The following GTPBP3 variants were observed in gnomAD, a reference collection of about 807,000 sequenced individuals.
GTPBP3 encodes GTP binding protein 3, mitochondrial.
A neutral mutation model predicts 42.0 loss-of-function variants in GTPBP3; 35 were observed. That is an observed-to-expected ratio of 0.83 (90% CI 0.64 to 1.10). The LOEUF is 1.10. Among genes scored for constraint, GTPBP3 ranks in the 50% least tolerant of loss-of-function variants. The pLI, the probability that GTPBP3 is intolerant of heterozygous loss-of-function variation, is 0.00. For synonymous variants in GTPBP3, 332 were observed against 314.9 expected, an observed-to-expected ratio of 1.05 and a Z score of -0.58; for missense variants, 691 against 685.2, an observed-to-expected ratio of 1.01 and a Z score of -0.09.
chr19:17,339,157 G>C lies in GTPBP3; in HGVS notation c.699G>C (p.Leu233=), dbSNP rs763644514. The C allele has an allele frequency of 6.2e-7, 1 of 1,613,992 alleles. No individual in the cohort carries two copies. Among genetic ancestry groups the C allele is most frequent in the Admixed American group, 1.7e-5 (1 of 60,020 alleles). Residue 233 remains leucine (L), a synonymous_variant, in exon 6 of 9, where the codon CTG becomes CTC. Coordinates refer to ENST00000324894, the MANE Select transcript of GTPBP3 (RefSeq NM_032620.4). The part of the protein sequence containing the change: ...DIEVRALQVA[L]GAHLRDARRG... ...AAGTACGGGCACTGCAGGTGGCCCT[G>C]GGTGCACATCTACGAGATGCCAGGC...
intron 2 of GTPBP3, 45 bp downstream of exon 2, chr19:17,338,300 A>T: frequency 1.2e-6 from 2 of 1,605,618 alleles, no homozygotes; most frequent in Non-Finnish European, 1.7e-6. Flanking sequence ...CCCATGACTC[A>T]GTTTCCCCCT....
rs747746824 is a variant in GTPBP3 at position 17,337,908 on chromosome 19, C to T, written c.54-100C>T. On this transcript the variant is annotated intron_variant, in intron 1 of 8. Coordinates refer to ENST00000324894, the MANE Select transcript of GTPBP3 (RefSeq NM_032620.4). The stretch of plus-strand genomic sequence containing the variant: ...TTTGTGCATCCCCCAGCCGCAGAAC[C>T]CCCCCACCTGGAGCATCTCGCGATC... 39 of 1,467,336 alleles carry T rather than the reference C, an allele frequency of 2.7e-5. No individual in the cohort carries two copies. The African/African-American group carries it at 4.1e-4, about 15-fold the overall frequency. 90.9% of individuals were successfully genotyped at this position (1,467,336 alleles called of 1,614,324 possible).
In GTPBP3 at chr19:17,341,560, G is replaced by A. The variant is rs1392613551; in HGVS notation, c.1336G>A (p.Gly446Ser). The change falls in exon 9 of 9, where the codon GGC (glycine) becomes AGC (serine). Residue 446 changes from glycine (G) to serine (S), a missense_variant. Coordinates refer to ENST00000324894, the MANE Select transcript of GTPBP3 (RefSeq NM_032620.4). ...HHLQGCLDAL[G>S]HYKQSKDLAL... is the part of the protein sequence containing the mutation. ...CCTCCAGGGTTGCCTGGATGCCCTC[G>A]GCCACTACAAGCAGTCAAAAGACCT... 3.7e-6 allele frequency: 6 copies of A among 1,613,828 alleles called. No individual in the cohort carries two copies. Among genetic ancestry groups the A allele is most frequent in the South Asian group, 1.1e-5 (1 of 91,080 alleles).
At chr19:17,338,811 C>T (rs2074396211) in intron 4 of GTPBP3, 70 bp downstream of exon 4, 1 of 1,540,812 alleles carries the variant, frequency 6.5e-7, no homozygotes, top group Non-Finnish European at 8.8e-7. Context: ...GAGACCCCCT[C>T]TCAATCCCGC....
rs143554475 is a variant in GTPBP3, at chr19:17,338,397, G to T, written c.334G>T (p.Glu112Ter). Residue 112 changes from glutamate (E) to a stop codon, truncating the protein, a stop_gained, in exon 3 of 9, where the codon GAG becomes TAG. Transcript: ENST00000324894. LOFTEE classifies it high-confidence loss of function. ...GAGTTTCACCGGTGAGGACTGCGTG[G>T]AGTTCCACGTGCATGGAGGCCCGGC... ...PQSFTGEDCV[E>*]FHVHGGPAVV... The T allele has an allele frequency of 6.2e-7, 1 of 1,614,054 alleles. No individual in the cohort carries two copies. The highest frequency in any genetic ancestry group is 1.3e-5 in the African/African-American group (1 of 74,942).
In GTPBP3 at chr19:17,338,794, C is replaced by T. The variant is rs1188994714; in HGVS notation, c.591+53C>T. On this transcript the variant is annotated intron_variant, in intron 4 of 8. Transcript: ENST00000324894. ...CCTCAGAGACCCCATCTGTGCAACC[C>T]CTGCATGAGACCCCCTCTCAATCCC... is the stretch of plus-strand genomic sequence containing the variant. The T allele has an allele frequency of 8.4e-6, 13 of 1,555,074 alleles. No homozygotes were observed. In the East Asian group the frequency reaches 2.9e-4, roughly 35 times the overall value.
upstream of GTPBP3, chr19:17,336,624 C>G (rs1277209215): frequency 6.6e-6 from 1 of 152,262 alleles, no homozygotes; most frequent in Non-Finnish European, 1.5e-5. Context: ...GCCGCCCGCC[C>G]GCTCTGATCC....
chr19:17,338,680 T>TC lies in GTPBP3; in HGVS notation c.531dup (p.Arg178GlnfsTer35). ...ACAGAGGCGCAGCGGCGGCAGGCCC[T>TC]CAGGCAGCTGGACGGAGAGCTGGGC... On this transcript the variant is annotated frameshift_variant, in exon 4 of 9. Transcript: ENST00000324894. LOFTEE classifies it high-confidence loss of function. The TC allele has an allele frequency of 6.2e-7, 1 of 1,613,632 alleles. No homozygotes were observed. The highest frequency in any genetic ancestry group is 8.5e-7 in the Non-Finnish European group (1 of 1,179,848).
rs538198784 is a variant in GTPBP3 at position 17,338,045 on chromosome 19, G to A, written c.91G>A (p.Gly31Ser). 6.3e-7 allele frequency: 1 copy of A among 1,597,888 alleles called. No homozygotes were observed. The highest frequency in any genetic ancestry group is 2.2e-5 in the East Asian group (1 of 44,822). Residue 31 changes from glycine (G) to serine (S), a missense_variant, in exon 2 of 9, where the codon GGC becomes AGC. Physicochemically the swap from Gly to Ser is moderately conservative, Grantham distance 56 (BLOSUM62 0). Coordinates refer to ENST00000324894, the MANE Select transcript of GTPBP3 (RefSeq NM_032620.4). ...TRRSSGAPAP[G>S]SGATIFALSS... The stretch of plus-strand genomic sequence containing the variant: ...CCGGAGCAGCGGCGCACCAGCCCCC[G>A]GCTCCGGCGCCACCATCTTCGCGCT...
chr19:17,341,258 T>C lies in GTPBP3; in HGVS notation c.1189T>C (p.Ser397Pro), dbSNP rs2074428945. The C allele has an allele frequency of 1.2e-6, 2 of 1,606,332 alleles. No homozygotes were observed. The highest frequency in any genetic ancestry group is 1.7e-5 in the Admixed American group (1 of 59,960). The change falls in exon 8 of 9, where the codon TCC becomes CCC. Residue 397 changes from serine to proline, a missense_variant. Ser to Pro is a moderately conservative substitution (Grantham distance 74). Transcript: ENST00000324894. ...TGACCTGCCCCCGCACCTGCTGCTG[T>C]CCTGTCTGACGGGAGAGGGGCTGGA... is the stretch of plus-strand genomic sequence containing the variant. ...GPDLPPHLLL[S>P]CLTGEGLDGL... is the part of the protein sequence containing the mutation.
In GTPBP3 at chr19:17,339,576, G is replaced by A. The variant is rs773412184; in HGVS notation, c.951G>A (p.Glu317=). 18 of 1,610,176 alleles carry A rather than the reference G, an allele frequency of 1.1e-5. No homozygotes were observed. Among genetic ancestry groups the A allele is most frequent in the Middle Eastern group, 1.6e-4 (1 of 6,080 alleles). Residue 317 remains glutamate, a synonymous_variant, in exon 7 of 9, where the codon GAG becomes GAA. Transcript: ENST00000324894. The part of the protein sequence containing the change: ...LREGVGPVEQ[E]GVRRARERLE... ...AGGGCGTGGGGCCCGTGGAGCAGGA[G>A]GGCGTGCGGCGCGCCCGGGAGAGGT...
At chr19:17,340,296 C>CA (rs1407280723) in intron 7 of GTPBP3, among the ~76,000 whole-genome samples, 3 of 152,142 alleles carry the variant, frequency 2.0e-5, no homozygotes, top group Non-Finnish European at 4.4e-5. Context: ...CTCGGCCTCC[C>CA]AAAGTGCTGG....
At position 17,341,052 on chromosome 19, in the gene GTPBP3, A is replaced by G. The variant is rs770023317; in HGVS notation, c.983A>G (p.Gln328Arg). Residue 328 changes from glutamine to arginine, a missense_variant, in exon 8 of 9, where the codon CAG becomes CGG. Gln to Arg is a conservative substitution (Grantham distance 43, BLOSUM62 1). Coordinates refer to ENST00000324894, the MANE Select transcript of GTPBP3 (RefSeq NM_032620.4). ...GVRRARERLEQADLILAMLDA... is the reference protein window; with the variant it reads ...GVRRARERLERADLILAMLDA... ...TGACCTTGCTCCCGCAGGCTAGAGC[A>G]GGCTGACCTCATTCTGGCCATGCTG... The G allele has an allele frequency of 3.7e-6, 6 of 1,613,190 alleles. No homozygotes were observed. In the African/African-American group the frequency reaches 6.7e-5, roughly 18 times the overall value.
Position 17,337,630 on chromosome 19 carries a change from A to G in GTPBP3, c.19A>G (p.Thr7Ala). The change falls in exon 1 of 9, where the codon ACC becomes GCC. Residue 7 changes from threonine (T) to alanine (A), a missense_variant. Transcript: ENST00000324894. MWRGLWTLAAQAARGPR... is the reference protein window; with the variant it reads MWRGLWALAAQAARGPR... The stretch of plus-strand genomic sequence containing the variant: ...TAAATCCATGTGGCGGGGGCTTTGG[A>G]CCCTGGCGGCCCAAGCGGCACGTGG... The G allele has an allele frequency of 7.5e-7, 1 of 1,337,150 alleles. No individual in the cohort carries two copies. The highest frequency in any genetic ancestry group is 2.0e-4 in the Middle Eastern group (1 of 5,108). The allele number at this position is 1,337,150 out of a possible 1,614,324, so 82.8% of individuals were successfully genotyped here. A position where few individuals can be genotyped will look rare whatever the true frequency, so the allele number is the denominator to read the frequency against.
Position 17,338,159 on chromosome 19 carries a change from C to G in GTPBP3, c.205C>G (p.Arg69Gly), listed in dbSNP as rs778982953. ...GHALRILTAPRDLPLARHASL... is the reference protein window; with the variant it reads ...GHALRILTAPGDLPLARHASL... ...CGCCCTCCGAATTCTCACAGCACCC[C>G]GAGACCTGCCCCTTGCTCGCCACGC... The change falls in exon 2 of 9, where the codon CGA (arginine) becomes GGA (glycine). Residue 69 changes from arginine (R) to glycine (G), a missense_variant. Arg to Gly is a moderately radical substitution (Grantham distance 125, BLOSUM62 -2). Transcript: ENST00000324894. The G allele has an allele frequency of 8.8e-6, 14 of 1,594,244 alleles. No individual in the cohort carries two copies. The highest frequency in any genetic ancestry group is 2.2e-5 in the East Asian group (1 of 44,542).
In GTPBP3 at chr19:17,338,944, GC is replaced by G. The variant is rs2074397751; in HGVS notation, c.592-6del. ...TGCACACACCACCTCTGCTCTCCCT[GC>G]CCCGCCAGGCTCTGGCCCACGTGGA... is the stretch of plus-strand genomic sequence containing the variant. On this transcript the variant is annotated splice_polypyrimidine_tract_variant and intron_variant, in intron 4 of 8. Transcript: ENST00000324894. 4 of 1,586,286 alleles carry G rather than the reference GC, an allele frequency of 2.5e-6. No homozygotes were observed. The highest frequency in any genetic ancestry group is 3.4e-6 in the Non-Finnish European group (4 of 1,163,818).
chr19:17,339,712 C>T, intron 7 of GTPBP3, 113 bp downstream of exon 7: 2 of 865,420 alleles, frequency 2.3e-6, no homozygotes, highest in Non-Finnish European at 3.4e-6. Context: ...TAAGCCCTAT[C>T]AAGCATGGAT....
At chr19:17,339,375 A>G in intron 6 of GTPBP3, 59 bp from the exon 7 acceptor site, 1 of 1,597,470 alleles carries the variant, frequency 6.3e-7, no homozygotes, top group South Asian at 1.1e-5. Flanking sequence ...CATGGGGTAG[A>G]ACCTGGGGGA....
chr19:17,336,223 G>T (rs1267906149), upstream of GTPBP3, among the ~76,000 whole-genome samples: 2 of 114,394 alleles, frequency 1.7e-5, no homozygotes, highest in Admixed American at 1.2e-4. Context: ...GCGACAGAGC[G>T]AGACCCCGTC....
Sources: gnomAD v4.1 joint callset for allele counts (sites outside exome capture counted in the v4.1 genomes callset) on GRCh38, gnomAD v4.1.1 for gene constraint, MANE v1.5 for transcripts, NCBI Gene and HGNC (gene_info 2026-07-23, HGNC 2026-07-21) for gene names.